Variants in MGA observed in about 807,000 individuals in gnomAD.
MGA encodes the protein MAX gene-associated protein.
MGA carries 40 observed loss-of-function variants against 261.1 expected under a neutral mutation model. The ratio of observed to expected loss-of-function variants is 0.15; its 90% confidence interval spans 0.12 to 0.20. MGA has a LOEUF of 0.20. Ranked by LOEUF, MGA falls within the 10% of genes least tolerant of loss-of-function variation. The pLI is 1.00. For synonymous variants in MGA, 1,302 were observed against 1,290.6 expected (o/e 1.01, Z -0.19); for missense variants, 3,397 against 3,630.5 (o/e 0.94, Z 1.65).
intron 1 of MGA, among the ~76,000 whole-genome samples, chr15:41,666,618 G>A (rs2057754258): frequency 1.3e-5 from 2 of 152,116 alleles, no homozygotes; most frequent in Admixed American, 6.6e-5. Context: ...AAGATGTGTG[G>A]CATAATTTAC....
At chr15:41,704,653 G>A (rs539864970) in intron 5 of MGA, among the ~76,000 whole-genome samples, 85 of 152,126 alleles carry the variant, frequency 5.6e-4, no homozygotes, top group Non-Finnish European at 1.6e-4. Context: ...GCAAGACTCC[G>A]TCTCAAAAAC....
intron 9 of MGA, chr15:41,718,650 A>G: frequency 3.6e-6 from 1 of 280,110 alleles, no homozygotes. Flanking sequence ...TGAGATGGCA[A>G]TGACAAATTT....
chr15:41,623,651 G>C (rs1485724951), intron 1 of MGA, among the ~76,000 whole-genome samples: 1 of 151,546 alleles, frequency 6.6e-6, no homozygotes, highest in Admixed American at 6.6e-5. Context: ...TGCTTGAACC[G>C]GGGAGGCGGA....
rs542739878 is a variant in MGA, at chr15:41,677,146, TC to T, written c.1064+7189del. Among the ~76,000 whole-genome samples the T allele has an allele frequency of 1.1e-4, 16 of 152,276 alleles. 1 individual carries two copies. In the East Asian group the frequency reaches 3.1e-3, roughly 29 times the overall value. On this transcript the variant is annotated intron_variant, in intron 2 of 23. Coordinates refer to ENST00000219905, the MANE Select transcript of MGA (RefSeq NM_001164273.2). ...TATTGTGAATAATGGAGTTACGAAT[TC>T]TTTTTTTTTGGAGATTGAGTCTCGC...
chr15:41,680,527 C>A (rs1354095136), intron 2 of MGA, among the ~76,000 whole-genome samples: 1 of 152,186 alleles, frequency 6.6e-6, no homozygotes, highest in East Asian at 1.9e-4. Context: ...GTACTTTTCA[C>A]CAGTTGGCTA....
chr15:41,760,237 C>T, intron 19 of MGA, 86 bp from the exon 20 acceptor site: 2 of 1,274,098 alleles, frequency 1.6e-6, no homozygotes, highest in Admixed American at 1.7e-5. Flanking sequence ...GTAATGAGTG[C>T]CTGAAATAGG....
At chr15:41,716,449 G>C (rs1161637922) in intron 9 of MGA, among the ~76,000 whole-genome samples, 1 of 151,550 alleles carries the variant, frequency 6.6e-6, no homozygotes, top group African/African-American at 2.4e-5. Flanking sequence ...GCGAGACTCC[G>C]TATCAAAAAA....
At position 41,749,164 on chromosome 15, in the gene MGA, C is replaced by A. The variant is rs772142934; in HGVS notation, c.5557C>A (p.Pro1853Thr). The A allele has an allele frequency of 6.2e-7, 1 of 1,613,994 alleles. No individual in the cohort carries two copies. The highest frequency in any genetic ancestry group is 1.7e-5 in the Admixed American group (1 of 60,008). The change falls in exon 17 of 24, where the codon CCA (proline) becomes ACA (threonine). Residue 1853 changes from proline (P) to threonine (T), a missense_variant. This residue lies in a region of MGA where 1,410 missense variants were observed against 1,386.4 expected (regional missense o/e 1.02). Coordinates refer to ENST00000219905, the MANE Select transcript of MGA (RefSeq NM_001164273.2). ...TCCTTCCAAACCCTCTGAGACTCCG[C>A]CATCTTCCACTTCGTCCTCTGCTTT...
intron 5 of MGA, among the ~76,000 whole-genome samples, chr15:41,702,603 T>C (rs2059909674): frequency 6.6e-6 from 1 of 152,240 alleles, no homozygotes; most frequent in Non-Finnish European, 1.5e-5. Context: ...CTTTTTGAAT[T>C]TGCTTTAAAA....
In MGA at chr15:41,629,540, G is replaced by A. The variant is rs1172811547; in HGVS notation, c.-68+8242G>A. Among the ~76,000 whole-genome samples, 4 of 152,050 alleles carry A rather than the reference G, an allele frequency of 2.6e-5. No individual in the cohort carries two copies. In the East Asian group the frequency reaches 7.7e-4, roughly 29 times the overall value. Reference sequence around the variant, plus strand: ...TAAACATATAGAACTGCCAGCCTCTGCAACATAGTGAGACCTTGTCTCTAT... The same window carrying A: ...TAAACATATAGAACTGCCAGCCTCTACAACATAGTGAGACCTTGTCTCTAT... On this transcript the variant is annotated intron_variant, in intron 1 of 8. Coordinates refer to the MGA transcript ENST00000566718.
rs1192324647 is a variant in MGA, at chr15:41,725,849, A to AT, written c.3431-1331_3431-1330insT. On this transcript the variant is annotated intron_variant, in intron 9 of 23. Coordinates refer to ENST00000219905, the MANE Select transcript of MGA (RefSeq NM_001164273.2). Reference sequence around the variant, plus strand: ...GACTCCGTCTCAAAAAAAAAAAAAAAAAAAAAATAAATAAATAAATAAATA... The same window carrying AT: ...GACTCCGTCTCAAAAAAAAAAAAAAATAAAAAAATAAATAAATAAATAAATA... Among the ~76,000 whole-genome samples the AT allele has an allele frequency of 2.8e-4, 2 of 7,128 alleles. 1 individual carries two copies. The highest frequency in any genetic ancestry group is 0.029 in the East Asian group (2 of 68). 4.7% of individuals were successfully genotyped at this position (7,128 alleles called of 152,430 possible).
upstream of MGA, among the ~76,000 whole-genome samples, chr15:41,657,629 T>TACA (rs1410200669): frequency 6.6e-6 from 1 of 151,906 alleles, no homozygotes; most frequent in Non-Finnish European, 1.5e-5. Flanking sequence ...GTGCTAGGAT[T>TACA]ACAGGACTGA....
chr15:41,662,904 G>A (rs893204004), intron 1 of MGA, among the ~76,000 whole-genome samples: 1 of 152,136 alleles, frequency 6.6e-6, no homozygotes, highest in Admixed American at 6.6e-5. Flanking sequence ...TTTGGAAAAC[G>A]TTCAGAATGT....
chr15:41,657,906 G>C (rs890788549), upstream of MGA, among the ~76,000 whole-genome samples: 4 of 152,274 alleles, frequency 2.6e-5, no homozygotes, highest in South Asian at 2.1e-4. Context: ...GAGGAAGTTT[G>C]TCTTGGTGGA....
At chr15:41,699,899 C>G (rs2059745894) in intron 5 of MGA, among the ~76,000 whole-genome samples, 1 of 151,838 alleles carries the variant, frequency 6.6e-6, no homozygotes, top group South Asian at 2.1e-4. Context: ...TGATGTACCA[C>G]TGGGAAGTTA....
intron 1 of MGA, among the ~76,000 whole-genome samples, chr15:41,640,949 A>C (rs2056809485): frequency 6.6e-6 from 1 of 152,226 alleles, no homozygotes; most frequent in African/African-American, 2.4e-5. Flanking sequence ...ACATTTCAGC[A>C]TCCCAGAAAG....
chr15:41,715,137 C>CTTTT (rs766195852), intron 9 of MGA, among the ~76,000 whole-genome samples: 10 of 124,544 alleles, frequency 8.0e-5, no homozygotes, highest in Non-Finnish European at 9.9e-5. Context: ...TGGTTTCTGT[C>CTTTT]TTTTTTTTTT....
chr15:41,628,306 G>C (rs1483329049), intron 1 of MGA, among the ~76,000 whole-genome samples: 1 of 150,872 alleles, frequency 6.6e-6, no homozygotes, highest in Admixed American at 6.6e-5. Context: ...CCGGGAGGTT[G>C]CGGTGAGCTG....
intron 3 of MGA, among the ~76,000 whole-genome samples, chr15:41,697,374 C>T (rs182773761): frequency 3.0e-4 from 46 of 151,450 alleles, no homozygotes; most frequent in African/African-American, 1.1e-3. Context: ...TCTTTGGTGA[C>T]GCTCCATTTC....
Sources: gnomAD v4.1 joint callset for allele counts (sites outside exome capture counted in the v4.1 genomes callset) on GRCh38, gnomAD v4.1.1 for gene constraint, gnomAD v4.1.1 regional missense constraint, MANE v1.5 for transcripts, NCBI Gene and HGNC (gene_info 2026-07-23, HGNC 2026-07-21) for gene names.